Variants in THSD7B observed in about 807,000 individuals in gnomAD.
THSD7B encodes the protein thrombospondin type-1 domain-containing protein 7B.
THSD7B carries 138 observed loss-of-function variants against 213.6 expected under a neutral mutation model. The ratio of observed to expected loss-of-function variants is 0.65; its 90% CI spans 0.56 to 0.74. THSD7B has a LOEUF of 0.74. Among genes scored for constraint, THSD7B ranks in the 30% least tolerant of loss-of-function variants. THSD7B has a pLI of 0.00. For missense variants in THSD7B, 1,931 were observed against 1,991.5 expected (o/e 0.97, Z 0.58); for synonymous variants, 742 against 687.0 (o/e 1.08, Z -1.25).
intron 2 of THSD7B, among the ~76,000 whole-genome samples, chr2:137,052,356 T>C (rs994103609): frequency 5.9e-5 from 9 of 152,220 alleles, no homozygotes; most frequent in African/African-American, 9.6e-5. Flanking sequence ...GCATGAGTTT[T>C]ATTAATGGTT....
intron 14 of THSD7B, among the ~76,000 whole-genome samples, chr2:137,429,431 C>T (rs1250831932): frequency 6.6e-6 from 1 of 152,054 alleles, no homozygotes; most frequent in African/African-American, 2.4e-5. Flanking sequence ...TATGTATATA[C>T]ACGTATTATT....
chr2:136,881,545 C>T (rs775189797), intron 1 of THSD7B, among the ~76,000 whole-genome samples: 1 of 152,086 alleles, frequency 6.6e-6, no homozygotes, highest in Non-Finnish European at 1.5e-5. Context: ...AACGTTCTAG[C>T]AGTCAAAGTC....
At chr2:137,191,403 A>G (rs1202558620) in intron 7 of THSD7B, among the ~76,000 whole-genome samples, 1 of 151,970 alleles carries the variant, frequency 6.6e-6, no homozygotes, top group Non-Finnish European at 1.5e-5. Context: ...TGCATCCTCA[A>G]GGCTCTGATA....
chr2:137,140,424 A>T (rs549331860), intron 5 of THSD7B, among the ~76,000 whole-genome samples: 1 of 152,128 alleles, frequency 6.6e-6, no homozygotes, highest in South Asian at 2.1e-4. Context: ...TTCAAATGTC[A>T]ATATTTTACT....
chr2:137,400,776 G>T (rs1686335977), intron 12 of THSD7B, among the ~76,000 whole-genome samples: 1 of 152,196 alleles, frequency 6.6e-6, no homozygotes, highest in Non-Finnish European at 1.5e-5. Flanking sequence ...CTCTTTCCTG[G>T]GAGAAGTGCT....
chr2:136,964,788 G>T (rs10205914), intron 2 of THSD7B, among the ~76,000 whole-genome samples: 1 of 152,014 alleles, frequency 6.6e-6, no homozygotes, highest in East Asian at 1.9e-4. Context: ...GGATCATGAG[G>T]TCAGGAGTTT....
chr2:137,500,713 A>G (rs970137103), intron 15 of THSD7B, among the ~76,000 whole-genome samples: 1 of 152,186 alleles, frequency 6.6e-6, no homozygotes, highest in African/African-American at 2.4e-5. Context: ...ATGGAATCTG[A>G]CATCCAGTAA....
At chr2:136,842,618 A>C (rs1430125906) in intron 1 of THSD7B, among the ~76,000 whole-genome samples, 1 of 152,238 alleles carries the variant, frequency 6.6e-6, no homozygotes, top group Non-Finnish European at 1.5e-5. Context: ...AGTAAAGCAC[A>C]AGGTAAACTT....
intron 7 of THSD7B, among the ~76,000 whole-genome samples, chr2:137,193,647 G>A (rs535000995): frequency 1.3e-5 from 2 of 152,162 alleles, no homozygotes; most frequent in South Asian, 4.2e-4. Context: ...TGCCAACACT[G>A]AGGGTGTCAT....
intron 12 of THSD7B, among the ~76,000 whole-genome samples, chr2:137,293,283 T>A (rs1382848616): frequency 6.6e-6 from 1 of 151,840 alleles, no homozygotes; most frequent in Non-Finnish European, 1.5e-5. Context: ...GGATGACAGG[T>A]GCGTGCCACC....
At chr2:136,905,435 A>C (rs496736) in intron 2 of THSD7B, among the ~76,000 whole-genome samples, 60,513 of 152,128 alleles carry the variant, frequency 0.4, 14,256 homozygotes, top group Non-Finnish European at 0.54. Flanking sequence ...ACGAAGACAA[A>C]GGTTTTGTGA....
chr2:137,398,639 G>A (rs1423739453), intron 12 of THSD7B, among the ~76,000 whole-genome samples: 1 of 152,060 alleles, frequency 6.6e-6, no homozygotes, highest in Admixed American at 6.5e-5. Flanking sequence ...CCTGCCCCCA[G>A]AGGTGGAGCC....
At position 137,659,736 on chromosome 2, in the gene THSD7B, A is replaced by G; in HGVS notation, c.4448A>G (p.Tyr1483Cys). The G allele has an allele frequency of 6.2e-7, 1 of 1,602,236 alleles. No individual in the cohort carries two copies. The highest frequency in any genetic ancestry group is 8.5e-7 in the Non-Finnish European group (1 of 1,174,044). ...CIPACRKPFS[Y>C]CTQGGVCGCE... is the part of the protein sequence containing the mutation. ...CCAGCCTGCAGAAAACCTTTCTCCTACTGTACACAGGTGAGTCATGTGCTG... is the reference window on the plus strand; with the variant it reads ...CCAGCCTGCAGAAAACCTTTCTCCTGCTGTACACAGGTGAGTCATGTGCTG... The change falls in exon 25 of 28, where the codon TAC becomes TGC. Residue 1483 changes from tyrosine (Y) to cysteine (C), a missense_variant. Tyr to Cys is a radical substitution (Grantham distance 194). Transcript: ENST00000409968.
In THSD7B at chr2:137,534,430, T is replaced by A. The variant is rs887787196; in HGVS notation, c.3139-28791T>A. ...GTTCCAGGACAGTGAATATATATAT[T>A]TTTTTCCATTTTTTCTCTGAGGAGA... On this transcript the variant is annotated intron_variant, in intron 15 of 27. Coordinates refer to ENST00000409968, the MANE Select transcript of THSD7B (RefSeq NM_001316349.2). Among the ~76,000 whole-genome samples the A allele has an allele frequency of 5.9e-5, 9 of 151,504 alleles. No individual in the cohort carries two copies. In the South Asian group the frequency reaches 6.3e-4, roughly 11 times the overall value.
At chr2:137,077,080 G>T (rs763697270) in intron 3 of THSD7B, among the ~76,000 whole-genome samples, 8 of 149,034 alleles carry the variant, frequency 5.4e-5, no homozygotes, top group Admixed American at 2.0e-4. Context: ...GCAGTGTTTG[G>T]TTTTTTTGTC....
intron 20 of THSD7B, among the ~76,000 whole-genome samples, chr2:137,631,139 A>G: frequency 6.6e-6 from 1 of 152,182 alleles, no homozygotes; most frequent in East Asian, 1.9e-4. Context: ...TAAAGATTTC[A>G]AGGTCAGAAC....
At chr2:136,836,004 A>G (rs1461644635) in intron 1 of THSD7B, among the ~76,000 whole-genome samples, 1 of 152,200 alleles carries the variant, frequency 6.6e-6, no homozygotes, top group Non-Finnish European at 1.5e-5. Context: ...TTGTTTCCGA[A>G]AACAGCAGAC....
rs916760476 is a variant in THSD7B at position 137,394,752 on chromosome 2, C to A, written c.2501-10861C>A. On this transcript the variant is annotated intron_variant, in intron 12 of 27. Transcript: ENST00000409968. Reference sequence around the variant, plus strand: ...CATTGAATCTGTAAATTACCTTGGGCAGTATGGCCATTTTCACGATATTGA... The same window carrying A: ...CATTGAATCTGTAAATTACCTTGGGAAGTATGGCCATTTTCACGATATTGA... 5.1e-5 allele frequency among the ~76,000 whole-genome samples: 7 copies of A among 137,516 alleles called. 1 individual carries two copies. Among genetic ancestry groups the A allele is most frequent in the African/African-American group, 1.9e-4 (7 of 36,390 alleles). The allele number at this position is 137,516 out of a possible 152,430, so 90.2% of individuals were successfully genotyped here.
chr2:137,374,589 A>C (rs1276739863), intron 12 of THSD7B, among the ~76,000 whole-genome samples: 1 of 152,198 alleles, frequency 6.6e-6, no homozygotes, highest in African/African-American at 2.4e-5. Context: ...TAAATTGTAG[A>C]ATGTTTTCCA....
Sources: gnomAD v4.1 joint callset for allele counts (sites outside exome capture counted in the v4.1 genomes callset) on GRCh38, gnomAD v4.1.1 for gene constraint, MANE v1.5 for transcripts, NCBI Gene and HGNC (gene_info 2026-07-23, HGNC 2026-07-21) for gene names.